CDYL: variants seen among roughly 807,000 people sequenced by gnomAD.
CDYL encodes the protein chromodomain Y-like protein.
Under a neutral mutation model 47.3 loss-of-function variants are expected in CDYL, and 8 were observed. That is an observed-to-expected ratio of 0.17 (90% CI 0.10 to 0.31). CDYL has a LOEUF of 0.31. Among genes scored for constraint, CDYL ranks in the 10% least tolerant of loss-of-function variants. CDYL has a pLI of 1.00. For missense variants in CDYL, 471 were observed against 701.4 expected (o/e 0.67, Z 3.71); for synonymous variants, 266 against 265.0 (o/e 1.00, Z -0.04).
At chr6:4,794,546 G>A (rs935007923) in intron 1 of CDYL, among the ~76,000 whole-genome samples, 1 of 152,128 alleles carries the variant, frequency 6.6e-6, no homozygotes, top group East Asian at 1.9e-4. Context: ...ACAGAGGAAT[G>A]ATGGTAGTTG....
chr6:4,944,501 G>A (rs1027777753), intron 5 of CDYL, among the ~76,000 whole-genome samples: 8 of 152,186 alleles, frequency 5.3e-5, no homozygotes, highest in Non-Finnish European at 7.4e-5. Flanking sequence ...CCCTGTGGCC[G>A]TCTGCTAACA....
rs542867825 is a variant in CDYL at position 4,834,546 on chromosome 6, T to C, written c.25-57167T>C. Among the ~76,000 whole-genome samples the C allele has an allele frequency of 5.0e-4, 75 of 149,658 alleles. 1 individual carries two copies. In the East Asian group the frequency reaches 0.014, roughly 28 times the overall value. ...TCAACTTTGGTGAATCTGACAATTA[T>C]GTGTCTTGGAGTTGCTCTTCTCGAG... On this transcript the variant is annotated intron_variant, in intron 1 of 6. Coordinates refer to ENST00000397588, the MANE Select transcript of CDYL (RefSeq NM_004824.4).
At chr6:4,774,278 C>T (rs893721538), upstream of CDYL, among the ~76,000 whole-genome samples, 10 of 152,204 alleles carry the variant, frequency 6.6e-5, no homozygotes, top group Admixed American at 2.6e-4. Context: ...TAAACTATCA[C>T]CTGCCAGTAT....
At chr6:4,754,716 GA>G (rs1185784452) in intron 3 of CDYL, among the ~76,000 whole-genome samples, 2 of 152,104 alleles carry the variant, frequency 1.3e-5, no homozygotes, top group African/African-American at 4.8e-5. Flanking sequence ...GCCTATTACA[GA>G]CCCTTCCTAT....
chr6:4,937,808 G>A, intron 4 of CDYL, 71 bp downstream of exon 4: 8 of 1,217,118 alleles, frequency 6.6e-6, no homozygotes, highest in Non-Finnish European at 9.3e-6. Flanking sequence ...CTGATAGAAT[G>A]GGCCTGACCA....
chr6:4,771,306 GT>G (rs1214820718), intron 3 of CDYL, among the ~76,000 whole-genome samples: 1 of 152,098 alleles, frequency 6.6e-6, no homozygotes, highest in Non-Finnish European at 1.5e-5. Flanking sequence ...TGGAGATGGG[GT>G]TTCACCATGT....
At chr6:4,711,078 C>T (rs775623134) in intron 1 of CDYL, among the ~76,000 whole-genome samples, 3 of 152,088 alleles carry the variant, frequency 2.0e-5, no homozygotes, top group Admixed American at 6.6e-5. Context: ...ACCTTCGAGT[C>T]GGCACAAAAT....
chr6:4,938,775 G>A (rs1758278464), intron 4 of CDYL, among the ~76,000 whole-genome samples: 2 of 152,114 alleles, frequency 1.3e-5, no homozygotes, highest in African/African-American at 2.4e-5. Context: ...GTGACAATAT[G>A]ACTTTGAGAT....
intron 1 of CDYL, among the ~76,000 whole-genome samples, chr6:4,815,411 A>T (rs1383454971): frequency 1.3e-5 from 2 of 152,288 alleles, no homozygotes; most frequent in East Asian, 3.9e-4. Context: ...TTTATTCCTT[A>T]GTGTAGAATA....
intron 3 of CDYL, among the ~76,000 whole-genome samples, chr6:4,765,863 G>T (rs1758244455): frequency 6.6e-6 from 1 of 151,692 alleles, no homozygotes; most frequent in African/African-American, 2.4e-5. Context: ...CATGCCTGTT[G>T]AACAAAGTCA....
At chr6:4,813,566 T>C (rs1162010264) in intron 1 of CDYL, among the ~76,000 whole-genome samples, 1 of 152,192 alleles carries the variant, frequency 6.6e-6, no homozygotes, top group East Asian at 1.9e-4. Flanking sequence ...TTTTGCTAAA[T>C]TATGTGTTTA....
chr6:4,837,897 T>C (rs1760370462), intron 1 of CDYL, among the ~76,000 whole-genome samples: 1 of 151,336 alleles, frequency 6.6e-6, no homozygotes, highest in Admixed American at 6.6e-5. Context: ...CCTCATCCTC[T>C]CCAGTATCTA....
chr6:4,766,485 AC>A (rs891128255), intron 3 of CDYL, among the ~76,000 whole-genome samples: 4 of 152,150 alleles, frequency 2.6e-5, no homozygotes, highest in African/African-American at 9.7e-5. Context: ...TTCTGGGATT[AC>A]AGGTGTGAGC....
At position 4,889,585 on chromosome 6, in the gene CDYL, T is replaced by C. The variant is rs1761985428; in HGVS notation, c.25-2128T>C. Among the ~76,000 whole-genome samples the C allele has an allele frequency of 2.6e-5, 4 of 152,368 alleles. 2 individuals are homozygous for C. In the South Asian group the frequency reaches 8.3e-4, roughly 32 times the overall value. Reference sequence around the variant, plus strand: ...ATAATATTTTATGATGTGTGAGTTATAAAATTCAAATTTTAGTGTCCATAG... The same window carrying C: ...ATAATATTTTATGATGTGTGAGTTACAAAATTCAAATTTTAGTGTCCATAG... On this transcript the variant is annotated intron_variant, in intron 1 of 6. Transcript: ENST00000397588.
intron 3 of CDYL, among the ~76,000 whole-genome samples, chr6:4,749,319 G>A (rs530094122): frequency 7.6e-6 from 1 of 131,512 alleles, no homozygotes; most frequent in Non-Finnish European, 1.7e-5. Context: ...ATGGATGGAT[G>A]GATGGATGGA....
intron 5 of CDYL, among the ~76,000 whole-genome samples, chr6:4,945,057 G>A (rs1156703159): frequency 6.6e-6 from 1 of 152,102 alleles, no homozygotes; most frequent in Non-Finnish European, 1.5e-5. Flanking sequence ...AAAGACTGAG[G>A]AACCGTCTCA....
At chr6:4,838,543 C>G (rs1356390624) in intron 1 of CDYL, among the ~76,000 whole-genome samples, 3 of 152,124 alleles carry the variant, frequency 2.0e-5, no homozygotes, top group Non-Finnish European at 4.4e-5. Flanking sequence ...TCTTTATATA[C>G]TTGTTGACTG....
At chr6:4,870,620 C>T (rs1420775851) in intron 1 of CDYL, among the ~76,000 whole-genome samples, 3 of 152,134 alleles carry the variant, frequency 2.0e-5, no homozygotes, top group African/African-American at 4.8e-5. Flanking sequence ...CCTCTCCTCT[C>T]CTTAGGGTAT....
chr6:4,910,873 G>A (rs1396314877), intron 2 of CDYL, among the ~76,000 whole-genome samples: 5 of 150,610 alleles, frequency 3.3e-5, no homozygotes, highest in South Asian at 2.1e-4. Flanking sequence ...TCTCTCTGTC[G>A]CCCAGGCTGG....
Sources: gnomAD v4.1 joint callset for allele counts (sites outside exome capture counted in the v4.1 genomes callset) on GRCh38, gnomAD v4.1.1 for gene constraint, MANE v1.5 for transcripts, NCBI Gene and HGNC (gene_info 2026-07-23, HGNC 2026-07-21) for gene names.